Variants in MRPS33 observed in about 807,000 individuals in gnomAD.
The protein encoded by MRPS33 is small ribosomal subunit protein mS33.
In MRPS33, 11 loss-of-function variants were observed where a neutral mutation model predicts 11.2. The ratio of observed to expected loss-of-function variants is 0.99; its 90% CI spans 0.62 to 1.63. The LOEUF (loss-of-function observed/expected upper bound fraction) is 1.63. Ranked by LOEUF, MRPS33 falls within the 40% of genes most tolerant of loss-of-function variation. The probability of loss-of-function intolerance (pLI) is 0.00; values close to 1 mark genes in which losing one functional copy is unlikely to be tolerated. For synonymous variants in MRPS33, 46 were observed against 44.0 expected (o/e 1.05, Z -0.18); for missense variants, 109 against 127.8 (o/e 0.85, Z 0.71).
Position 141,006,180 on chromosome 7 carries a change from T to C in MRPS33, c.*250A>G, listed in dbSNP as rs1333418307. The C allele has an allele frequency of 4.0e-6, 2 of 500,958 alleles. No individual in the cohort carries two copies. The highest frequency in any genetic ancestry group is 7.1e-5 in the East Asian group (2 of 28,148). 31.0% of individuals were successfully genotyped at this position (500,958 alleles called of 1,614,324 possible). A position where few individuals can be genotyped will look rare whatever the true frequency, so the allele number is the denominator to read the frequency against. On this transcript the variant is annotated 3_prime_UTR_variant, in exon 3 of 3. Coordinates refer to ENST00000324787, the MANE Select transcript of MRPS33 (RefSeq NM_053035.3). ...AAATCATCAAACAATAACTTAGGTA[T>C]TTATTTCATTAGAGAATCAGGTAAA...
In MRPS33 at chr7:141,006,166, C is replaced by A. The variant is rs1270711482; in HGVS notation, c.*264G>T. ...ATCCCACCCCAAACAAATCATCAAACAATAACTTAGGTATTTATTTCATTA... is the reference window on the plus strand; with the variant it reads ...ATCCCACCCCAAACAAATCATCAAAAAATAACTTAGGTATTTATTTCATTA... On this transcript the variant is annotated 3_prime_UTR_variant, in exon 3 of 3. Coordinates refer to ENST00000324787, the MANE Select transcript of MRPS33 (RefSeq NM_053035.3). 4.5e-6 allele frequency: 2 copies of A among 449,014 alleles called. No individual in the cohort carries two copies. Among genetic ancestry groups the A allele is most frequent in the Admixed American group, 3.8e-5 (1 of 26,154 alleles). 27.8% of individuals were successfully genotyped at this position (449,014 alleles called of 1,614,324 possible).
At chr7:141,011,106 A>C (rs1204197079) in intron 1 of MRPS33, among the ~76,000 whole-genome samples, 4 of 152,192 alleles carry the variant, frequency 2.6e-5, no homozygotes, top group African/African-American at 9.7e-5. Context: ...AGACATAATT[A>C]TGTTGTCTTT....
At chr7:141,008,735 A>G (rs1820597270) in intron 2 of MRPS33, among the ~76,000 whole-genome samples, 1 of 152,290 alleles carries the variant, frequency 6.6e-6, no homozygotes, top group African/African-American at 2.4e-5. Context: ...TTTTAACTTT[A>G]TACAATTATG....
Position 141,003,000 on chromosome 7 carries a change from G to A in MRPS33, c.*3430C>T, listed in dbSNP as rs1190803075. 2 of 152,220 alleles carry A rather than the reference G, an allele frequency of 1.3e-5. No individual in the cohort carries two copies. The highest frequency in any genetic ancestry group is 4.8e-5 in the African/African-American group (2 of 41,436). The allele number at this position is 152,220 out of a possible 1,614,324, so 9.4% of individuals were successfully genotyped here. ...TATCTTATTTCATTAATCCAGTGAA[G>A]CATTATGATTTTATAGAGAAGGAAA... On this transcript the variant is annotated 3_prime_UTR_variant, in exon 3 of 3. Transcript: ENST00000324787.
Position 141,006,307 on chromosome 7 carries a change from C to T in MRPS33, c.*123G>A. 1 of 817,086 alleles carries T rather than the reference C, an allele frequency of 1.2e-6. No individual in the cohort carries two copies. The highest frequency in any genetic ancestry group is 2.0e-6 in the Non-Finnish European group (1 of 508,886). The allele number at this position is 817,086 out of a possible 1,614,324, so 50.6% of individuals were successfully genotyped here. A position where few individuals can be genotyped will look rare whatever the true frequency, so the allele number is the denominator to read the frequency against. The stretch of plus-strand genomic sequence containing the variant: ...GGATTAGATTTCACCAAGGAGATGA[C>T]TGTGTTCCTCCAAATAAACTTCATT... On this transcript the variant is annotated 3_prime_UTR_variant, in exon 3 of 3. Transcript: ENST00000324787.
chr7:141,006,118 C>A lies in MRPS33; in HGVS notation c.*312G>T. 1 of 342,960 alleles carries A rather than the reference C, an allele frequency of 2.9e-6. No homozygotes were observed. The highest frequency in any genetic ancestry group is 5.4e-6 in the Non-Finnish European group (1 of 184,580). The allele number at this position is 342,960 out of a possible 1,614,324, so 21.2% of individuals were successfully genotyped here. ...ATAGGATGCTCACTTAATGAGGTTT[C>A]CCCTCCATTCCCCCAGCATCCCATC... On this transcript the variant is annotated 3_prime_UTR_variant, in exon 3 of 3. Coordinates refer to ENST00000324787, the MANE Select transcript of MRPS33 (RefSeq NM_053035.3).
chr7:141,010,487 A>G lies in MRPS33; in HGVS notation c.147T>C (p.Tyr49=), dbSNP rs774359840. Residue 49 remains tyrosine, a synonymous_variant, in exon 2 of 3, where the codon TAT becomes TAC. Coordinates refer to ENST00000324787, the MANE Select transcript of MRPS33 (RefSeq NM_053035.3). The stretch of plus-strand genomic sequence containing the variant: ...AAGTGTGGTGATTTGGATACCAATC[A>G]TAAGTCTCCTTCTTCTTGGCCAAGG... ...ELPLAKKKET[Y]DWYPNHHTYA... 2 of 1,614,110 alleles carry G rather than the reference A, an allele frequency of 1.2e-6. No homozygotes were observed. The highest frequency in any genetic ancestry group is 1.3e-5 in the African/African-American group (1 of 74,942).
chr7:141,009,653 G>A (rs1368800210), intron 2 of MRPS33: 4 of 152,216 alleles, frequency 2.6e-5, no homozygotes, highest in African/African-American at 4.8e-5. Flanking sequence ...GCCACCAGAA[G>A]AGAAAGAAGG....
rs1820532547 is a variant in MRPS33, at chr7:141,006,499, T to C, written c.252A>G (p.Arg84=). 4 of 1,613,924 alleles carry C rather than the reference T, an allele frequency of 2.5e-6. No individual in the cohort carries two copies. The South Asian group carries it at 3.3e-5, about 13-fold the overall frequency. ...TCTCCTTTCCACGAAGCTTCTTTAG[T>C]CGTTTTTGCTCATCCATAAAATCCT... is the stretch of plus-strand genomic sequence containing the variant. The part of the protein sequence containing the change: ...EHQDFMDEQK[R]LKKLRGKEKP... Residue 84 remains arginine, a synonymous_variant, in exon 3 of 3, where the codon CGA becomes CGG. Coordinates refer to ENST00000324787, the MANE Select transcript of MRPS33 (RefSeq NM_053035.3).
intron 2 of MRPS33, 88 bp from the exon 3 acceptor site, chr7:141,006,623 T>C: frequency 9.2e-7 from 1 of 1,087,422 alleles, no homozygotes; most frequent in Non-Finnish European, 1.4e-6. Flanking sequence ...TCTTAGGTCA[T>C]TCTGGTTATC....
rs564106039 is a variant in MRPS33, at chr7:141,006,143, C to T, written c.*287G>A. ...CCCCTCCATTCCCCCAGCATCCCAT[C>T]CCACCCCAAACAAATCATCAAACAA... is the stretch of plus-strand genomic sequence containing the variant. On this transcript the variant is annotated 3_prime_UTR_variant, in exon 3 of 3. Transcript: ENST00000324787. 20 of 390,142 alleles carry T rather than the reference C, an allele frequency of 5.1e-5. 1 individual carries two copies. In the South Asian group the frequency reaches 5.2e-4, roughly 10 times the overall value. 24.2% of individuals were successfully genotyped at this position (390,142 alleles called of 1,614,324 possible).
chr7:141,004,322 G>C lies in MRPS33; in HGVS notation c.*2108C>G, dbSNP rs1447211622. 6.6e-6 allele frequency: 1 copy of C among 152,104 alleles called. No individual in the cohort carries two copies. The highest frequency in any genetic ancestry group is 1.5e-5 in the Non-Finnish European group (1 of 68,012). The allele number at this position is 152,104 out of a possible 1,614,324, so 9.4% of individuals were successfully genotyped here. On this transcript the variant is annotated 3_prime_UTR_variant, in exon 3 of 3. Transcript: ENST00000324787. The stretch of plus-strand genomic sequence containing the variant: ...AACAAAAAAAAAGGTCTAAATGAAT[G>C]AATTCTCCTTTTGCTGGAATTCACT...
At chr7:141,013,550 G>C (rs1820730017) in intron 1 of MRPS33, among the ~76,000 whole-genome samples, 3 of 152,134 alleles carry the variant, frequency 2.0e-5, no homozygotes, top group Admixed American at 6.5e-5. Flanking sequence ...TGTCTCTCAC[G>C]AAGAATAACA....
chr7:141,006,609 G>A (rs765998374), intron 2 of MRPS33, 74 bp from the exon 3 acceptor site: 58 of 1,175,432 alleles, frequency 4.9e-5, no homozygotes, highest in Non-Finnish European at 6.7e-5. Flanking sequence ...AGCACGCACT[G>A]CTCTCTTAGG....
intron 2 of MRPS33, among the ~76,000 whole-genome samples, chr7:141,009,272 C>T (rs1419290566): frequency 1.3e-5 from 2 of 151,578 alleles, no homozygotes; most frequent in African/African-American, 2.4e-5. Context: ...GCTGGAATTA[C>T]AGGCGTGTGC....
intron 1 of MRPS33, 165 bp downstream of exon 1, chr7:141,014,746 C>T (rs887494050): frequency 1.3e-5 from 2 of 152,190 alleles, no homozygotes; most frequent in African/African-American, 4.8e-5. Context: ...CCAACTGAGG[C>T]AGAAAAAGGC....
At chr7:141,011,389 A>C (rs1265779798) in intron 1 of MRPS33, among the ~76,000 whole-genome samples, 1 of 152,208 alleles carries the variant, frequency 6.6e-6, no homozygotes, top group Non-Finnish European at 1.5e-5. Flanking sequence ...AAACTACCTA[A>C]GTTCTTATCA....
At chr7:141,013,649 C>A (rs527513607) in intron 1 of MRPS33, among the ~76,000 whole-genome samples, 2 of 152,282 alleles carry the variant, frequency 1.3e-5, no homozygotes, top group African/African-American at 4.8e-5. Flanking sequence ...TAAGTGTTAC[C>A]TTTCTTTAAA....
intron 1 of MRPS33, among the ~76,000 whole-genome samples, chr7:141,011,950 C>T (rs1230092083): frequency 1.3e-5 from 2 of 150,298 alleles, no homozygotes; most frequent in South Asian, 2.1e-4. Flanking sequence ...GACTTCAAGA[C>T]CAGCCCAGGC....
Sources: allele counts gnomAD v4.1 joint callset (sites outside exome capture counted in the v4.1 genomes callset), GRCh38; gene constraint gnomAD v4.1.1; transcripts MANE v1.5; gene names NCBI Gene and HGNC (gene_info 2026-07-23, HGNC 2026-07-21).